The following FYB2 variants were observed in gnomAD, a reference collection of about 807,000 sequenced individuals.
The protein encoded by FYB2 is FYN-binding protein 2.
In FYB2, 103 loss-of-function variants were observed where a neutral mutation model predicts 94.1. The observed-to-expected ratio is 1.09, with a 90% confidence interval of 0.93 to 1.29. The LOEUF is 1.29. Ranked by LOEUF, FYB2 falls within the 50% of genes most tolerant of loss-of-function variation. The pLI, the probability that FYB2 is intolerant of heterozygous loss-of-function variation, is 0.00. For missense variants in FYB2, 896 were observed against 841.5 expected (o/e 1.06, Z -0.80); for synonymous variants, 293 against 287.9 (o/e 1.02, Z -0.18).
At chr1:56,756,028 G>T (rs1570014227) in intron 6 of FYB2, 101 bp from the exon 7 acceptor site, 5 of 1,148,558 alleles carry the variant, frequency 4.4e-6, no homozygotes, top group African/African-American at 3.1e-5. Flanking sequence ...AGGTGAGGGG[G>T]ATGAAGCCTC....
At chr1:56,822,874 T>G (rs2101143366), upstream of FYB2, among the ~76,000 whole-genome samples, 1 of 151,524 alleles carries the variant, frequency 6.6e-6, no homozygotes, top group African/African-American at 2.4e-5. Context: ...GTAGATTGAT[T>G]GTCAGAGTTA....
intron 11 of FYB2, 23 bp from the exon 12 acceptor site, chr1:56,742,244 C>A (rs748875148): frequency 6.6e-7 from 1 of 1,525,796 alleles, no homozygotes; most frequent in East Asian, 2.3e-5. Flanking sequence ...GAAAACCCTA[C>A]TTATATTCAT....
At chr1:56,747,318 C>T (rs1645090797) in intron 9 of FYB2, among the ~76,000 whole-genome samples, 1 of 151,568 alleles carries the variant, frequency 6.6e-6, no homozygotes. Context: ...GTTAGTTGTG[C>T]CATGGTGGTT....
Position 56,789,024 on chromosome 1 carries a change from G to A in FYB2, c.868C>T (p.Leu290Phe), listed in dbSNP as rs41305876. 0.02 allele frequency: 32,008 copies of A among 1,614,102 alleles called. 711 individuals are homozygous for A. The highest frequency in any genetic ancestry group is 0.091 in the South Asian group (8,322 of 91,076). Residue 290 changes from leucine to phenylalanine, a missense_variant, in exon 3 of 20, where the codon CTC becomes TTC. Coordinates refer to ENST00000343433, the MANE Select transcript of FYB2 (RefSeq NM_001004303.5). ...GCTGGCTGCCTCTGAAAGGCCTGGA[G>A]GTTCACGATGGGAGGTCTTGAAGGC... ...PKPSRPPIVN[L>F]QAFQRQPAAV...
intron 7 of FYB2, among the ~76,000 whole-genome samples, chr1:56,754,189 T>C (rs568545340): frequency 6.6e-6 from 1 of 152,142 alleles, no homozygotes; most frequent in Admixed American, 6.6e-5. Context: ...GGATAAAACT[T>C]AAGTTTCATC....
intron 4 of FYB2, 54 bp downstream of exon 4, chr1:56,787,121 A>G: frequency 6.3e-7 from 1 of 1,598,368 alleles, no homozygotes; most frequent in Admixed American, 1.7e-5. Flanking sequence ...GGAGCAGTCT[A>G]AGTAGCCTCT....
upstream of FYB2, chr1:56,819,617 C>T (rs1413246076): frequency 2.0e-6 from 1 of 500,402 alleles, no homozygotes; most frequent in East Asian, 3.5e-5. Context: ...GCTGGTCTGA[C>T]AGTCACTCAC....
chr1:56,772,565 T>C (rs1223970436), intron 4 of FYB2, among the ~76,000 whole-genome samples: 1 of 152,124 alleles, frequency 6.6e-6, no homozygotes, highest in Non-Finnish European at 1.5e-5. Context: ...TGCTTCAACT[T>C]CTTTATTTCC....
chr1:56,755,786 A>G, intron 7 of FYB2, 110 bp downstream of exon 7: 1 of 1,088,700 alleles, frequency 9.2e-7, no homozygotes, highest in Non-Finnish European at 1.4e-6. Flanking sequence ...GGGAAACTGA[A>G]CCAGGCTAGC....
rs540522993 is a variant in FYB2, at chr1:56,816,547, G to T, written c.9+2735C>A. Among the ~76,000 whole-genome samples the T allele has an allele frequency of 5.9e-5, 9 of 152,234 alleles. No individual in the cohort carries two copies. The East Asian group carries it at 1.7e-3, about 29-fold the overall frequency. ...GATTTCAACCAAGGGATGGGAACAT[G>T]GGCACCACCTCTTCATGGGAAGATG... On this transcript the variant is annotated intron_variant, in intron 1 of 19. Transcript: ENST00000343433.
intron 12 of FYB2, 78 bp from the exon 13 acceptor site, chr1:56,740,873 C>T (rs1211790158): frequency 2.2e-5 from 20 of 899,778 alleles, no homozygotes; most frequent in Middle Eastern, 3.7e-4. Flanking sequence ...ATTATAAAAT[C>T]AAATGCCACA....
rs374389921 is a variant in FYB2 at position 56,792,048 on chromosome 1, T to G, written c.757+8A>C. ...TAGCCCCTGTCCCATGGGGATCACG[T>G]TTGTTACCTGGGGCCTGACTGGCAA... On this transcript the variant is annotated splice_region_variant and intron_variant, in intron 2 of 19. Coordinates refer to ENST00000343433, the MANE Select transcript of FYB2 (RefSeq NM_001004303.5). The G allele has an allele frequency of 3.6e-5, 57 of 1,562,116 alleles. No homozygotes were observed. The highest frequency in any genetic ancestry group is 4.6e-5 in the Non-Finnish European group (53 of 1,160,194).
intron 7 of FYB2, 72 bp downstream of exon 7, chr1:56,755,824 G>C: frequency 1.4e-6 from 2 of 1,441,880 alleles, no homozygotes; most frequent in Non-Finnish European, 1.9e-6. Context: ...CTGGCCCATA[G>C]AGGAAAACTA....
intron 4 of FYB2, among the ~76,000 whole-genome samples, chr1:56,771,438 C>T (rs144050391): frequency 2.0e-5 from 3 of 152,026 alleles, no homozygotes; most frequent in African/African-American, 7.3e-5. Flanking sequence ...ATAGCTCAAA[C>T]GTAAGAACAT....
chr1:56,740,893 T>C (rs979562032), intron 12 of FYB2, 98 bp from the exon 13 acceptor site: 1 of 750,390 alleles, frequency 1.3e-6, no homozygotes, highest in Non-Finnish European at 2.1e-6. Context: ...ATGTTCTCAC[T>C]TGTAAGTGGG....
intron 1 of FYB2, among the ~76,000 whole-genome samples, chr1:56,818,947 CAG>C (rs1222683390): frequency 6.6e-6 from 1 of 152,166 alleles, no homozygotes; most frequent in Non-Finnish European, 1.5e-5. Flanking sequence ...CAAGTAAACA[CAG>C]AGAGAAGCCA....
rs557508783 is a variant in FYB2, at chr1:56,747,044, G to A, written c.1388-2778C>T. On this transcript the variant is annotated intron_variant, in intron 9 of 19. Coordinates refer to ENST00000343433, the MANE Select transcript of FYB2 (RefSeq NM_001004303.5). ...CCTTTTGGATGGTCTCTTTGGGGAA[G>A]GGCTGTTTCAATATTTTTCTAATTT... Among the ~76,000 whole-genome samples the A allele has an allele frequency of 2.0e-5, 3 of 151,668 alleles. No individual in the cohort carries two copies. The South Asian group carries it at 6.2e-4, about 32-fold the overall frequency.
intron 15 of FYB2, among the ~76,000 whole-genome samples, chr1:56,735,649 CATT>C (rs1175219551): frequency 2.6e-5 from 4 of 151,988 alleles, no homozygotes; most frequent in Non-Finnish European, 5.9e-5. Context: ...ATAGTGTTCT[CATT>C]ATAGTGAATG....
At chr1:56,722,161 G>GTAT in intron 17 of FYB2, among the ~76,000 whole-genome samples, 1 of 152,044 alleles carries the variant, frequency 6.6e-6, no homozygotes, top group East Asian at 1.9e-4. Context: ...AGTAACATCA[G>GTAT]GGTTGCAGTA....
Sources: allele counts gnomAD v4.1 joint callset (sites outside exome capture counted in the v4.1 genomes callset), GRCh38; gene constraint gnomAD v4.1.1; transcripts MANE v1.5; gene names NCBI Gene and HGNC (gene_info 2026-07-23, HGNC 2026-07-21).